CHRM2: variants seen among roughly 807,000 people sequenced by gnomAD.
The protein encoded by CHRM2 is muscarinic acetylcholine receptor M2.
CHRM2 carries 8 observed loss-of-function variants against 25.0 expected under a neutral mutation model. The observed-to-expected ratio is 0.32, with a 90% CI of 0.19 to 0.58. CHRM2 has a LOEUF of 0.58. Ranked by LOEUF, CHRM2 falls within the 20% of genes least tolerant of loss-of-function variation. CHRM2 has a pLI of 0.88. For synonymous variants in CHRM2, 202 were observed against 205.7 expected (o/e 0.98, Z 0.15); for missense variants, 440 against 567.1 (o/e 0.78, Z 2.28).
intron 2 of CHRM2, chr7:136,903,167 T>C (rs757657480): frequency 1.3e-5 from 7 of 534,116 alleles, no homozygotes; most frequent in Admixed American, 1.9e-5. Context: ...CTTCACTTTA[T>C]GGAGGCCTTG....
chr7:136,910,209 A>C (rs1021647840), intron 2 of CHRM2, among the ~76,000 whole-genome samples: 1 of 151,936 alleles, frequency 6.6e-6, no homozygotes, highest in African/African-American at 2.4e-5. Flanking sequence ...ATGCATTGCC[A>C]GGTTCCTGAT....
chr7:136,974,927 T>C (rs139609110), intron 2 of CHRM2, among the ~76,000 whole-genome samples: 5 of 152,126 alleles, frequency 3.3e-5, no homozygotes, highest in Admixed American at 6.5e-5. Context: ...ATGGTAGTAA[T>C]GCAATGGTGG....
At chr7:136,874,373 G>A (rs1019111824) in intron 2 of CHRM2, among the ~76,000 whole-genome samples, 1 of 151,180 alleles carries the variant, frequency 6.6e-6, no homozygotes, top group East Asian at 1.9e-4. Context: ...TTCTTCACAT[G>A]TTCTAGCTCC....
chr7:136,904,632 A>C (rs1797433125), intron 2 of CHRM2, among the ~76,000 whole-genome samples: 1 of 151,838 alleles, frequency 6.6e-6, no homozygotes, highest in Non-Finnish European at 1.5e-5. Flanking sequence ...TTTTTAAAAT[A>C]ATTTCTTGAG....
intron 2 of CHRM2, among the ~76,000 whole-genome samples, chr7:136,919,407 T>G (rs1359829295): frequency 6.6e-6 from 1 of 152,118 alleles, no homozygotes; most frequent in South Asian, 2.1e-4. Context: ...AAATAAATAT[T>G]AGAATATTAA....
chr7:136,959,473 T>G (rs753934164), intron 2 of CHRM2, among the ~76,000 whole-genome samples: 1 of 152,122 alleles, frequency 6.6e-6, no homozygotes, highest in East Asian at 1.9e-4. Flanking sequence ...AATGTAGAGG[T>G]TGGTAAAAGA....
chr7:137,007,863 T>G lies in CHRM2; in HGVS notation c.-46-6957T>G, dbSNP rs1429209191. 1.8e-4 allele frequency among the ~76,000 whole-genome samples: 28 copies of G among 152,130 alleles called. 1 individual carries two copies. The highest frequency in any genetic ancestry group is 1.8e-3 in the Admixed American group (28 of 15,264). On this transcript the variant is annotated intron_variant, in intron 3 of 3. Transcript: ENST00000680005. ...GGGACTTTGCTCCCCAAGACATCCTTAAATAAGTCTCTCCACAATTCTCTC... is the reference window on the plus strand; with the variant it reads ...GGGACTTTGCTCCCCAAGACATCCTGAAATAAGTCTCTCCACAATTCTCTC...
chr7:136,895,833 G>T (rs111239804), intron 2 of CHRM2, among the ~76,000 whole-genome samples: 110 of 152,238 alleles, frequency 7.2e-4, no homozygotes, highest in Non-Finnish European at 1.4e-3. Flanking sequence ...TGTAAAATTT[G>T]ATGCTTCAGA....
At chr7:136,903,061 A>C in intron 2 of CHRM2, 1 of 515,880 alleles carries the variant, frequency 1.9e-6, no homozygotes, top group Non-Finnish European at 3.9e-6. Context: ...TGAATGAATG[A>C]AATTCTGACA....
intron 2 of CHRM2, among the ~76,000 whole-genome samples, chr7:136,962,651 C>T (rs1801172698): frequency 1.3e-5 from 2 of 152,114 alleles, no homozygotes; most frequent in Non-Finnish European, 2.9e-5. Context: ...ATTTACTTGG[C>T]ATCAGTTTAA....
intron 2 of CHRM2, among the ~76,000 whole-genome samples, chr7:136,918,437 A>G (rs1348340339): frequency 6.6e-6 from 1 of 152,090 alleles, no homozygotes; most frequent in Admixed American, 6.6e-5. Flanking sequence ...AACTATACTT[A>G]AATTCTAAGA....
At chr7:136,930,757 T>C (rs1799033163) in intron 2 of CHRM2, among the ~76,000 whole-genome samples, 1 of 151,440 alleles carries the variant, frequency 6.6e-6, no homozygotes, top group African/African-American at 2.4e-5. Flanking sequence ...ATCAGCCAGT[T>C]GTGGTGGCGG....
chr7:136,959,374 A>T (rs771784070), intron 2 of CHRM2, among the ~76,000 whole-genome samples: 4 of 152,216 alleles, frequency 2.6e-5, no homozygotes, highest in Non-Finnish European at 5.9e-5. Context: ...GCGTTTATTG[A>T]GATAGGAGTG....
At chr7:136,949,383 G>C (rs999319278) in intron 2 of CHRM2, among the ~76,000 whole-genome samples, 4 of 151,338 alleles carry the variant, frequency 2.6e-5, no homozygotes, top group African/African-American at 9.7e-5. Context: ...TTGGGAAGCT[G>C]AGGTGGGAGG....
chr7:136,938,191 G>A lies in CHRM2; in HGVS notation c.-124-53996G>A, dbSNP rs1465507600. ...GCCCACTCTTCTGGAAGAGTCCATC[G>A]CACAGCAGGTTACTTCTCACTCAGG... On this transcript the variant is annotated intron_variant, in intron 2 of 3. Transcript: ENST00000680005. 2.7e-6 allele frequency: 2 copies of A among 743,050 alleles called. 1 individual carries two copies. Among genetic ancestry groups the A allele is most frequent in the Non-Finnish European group, 4.9e-6 (2 of 406,788 alleles). 46.0% of individuals were successfully genotyped at this position (743,050 alleles called of 1,614,324 possible).
At chr7:136,952,739 T>C (rs1800488772) in intron 2 of CHRM2, among the ~76,000 whole-genome samples, 5 of 152,098 alleles carry the variant, frequency 3.3e-5, no homozygotes, top group South Asian at 4.1e-4. Context: ...AACCCTCCAA[T>C]AGGCCCCCGT....
chr7:137,016,625 G>A lies in CHRM2; in HGVS notation c.*359G>A, dbSNP rs943197208. ...TTGTTCCTTTTTTGTTACTTTTGTT[G>A]TTGTTGTTCTCATGTGTCCTTAAGA... On this transcript the variant is annotated 3_prime_UTR_variant, in exon 4 of 4. Coordinates refer to ENST00000680005, the MANE Select transcript of CHRM2 (RefSeq NM_001006630.2). 1 of 256,244 alleles carries A rather than the reference G, an allele frequency of 3.9e-6. No individual in the cohort carries two copies. The highest frequency in any genetic ancestry group is 2.3e-5 in the African/African-American group (1 of 43,620). The allele number at this position is 256,244 out of a possible 1,614,324, so 15.9% of individuals were successfully genotyped here. A position where few individuals can be genotyped will look rare whatever the true frequency, so the allele number is the denominator to read the frequency against.
chr7:136,909,088 T>C (rs1797706357), intron 2 of CHRM2, among the ~76,000 whole-genome samples: 1 of 151,966 alleles, frequency 6.6e-6, no homozygotes, highest in East Asian at 1.9e-4. Flanking sequence ...ATATGTTTCA[T>C]ATGCTGATCA....
At position 137,016,224 on chromosome 7, in the gene CHRM2, C is replaced by A; in HGVS notation, c.1359C>A (p.His453Gln). The A allele has an allele frequency of 6.2e-7, 1 of 1,612,922 alleles. No homozygotes were observed. Among genetic ancestry groups the A allele is most frequent in the Non-Finnish European group, 8.5e-7 (1 of 1,179,268 alleles). ...CCACCTTCAAGAAGACCTTTAAACA[C>A]CTTCTCATGTGTCATTATAAGAACA... Reference protein sequence around the residue: ...CNATFKKTFKHLLMCHYKNIG... With the variant: ...CNATFKKTFKQLLMCHYKNIG... The change falls in exon 4 of 4, where the codon CAC (histidine) becomes CAA (glutamine). Residue 453 changes from histidine to glutamine, a missense_variant. Physicochemically the swap from His to Gln is conservative, Grantham distance 24. This residue lies in a region of CHRM2 where 65 missense variants were observed against 108.9 expected (regional missense o/e 0.60). Coordinates refer to ENST00000680005, the MANE Select transcript of CHRM2 (RefSeq NM_001006630.2).
Sources: gnomAD v4.1 joint callset for allele counts (sites outside exome capture counted in the v4.1 genomes callset) on GRCh38, gnomAD v4.1.1 for gene constraint, gnomAD v4.1.1 regional missense constraint, MANE v1.5 for transcripts, NCBI Gene and HGNC (gene_info 2026-07-23, HGNC 2026-07-21) for gene names.